SLAMF6: variants seen among roughly 807,000 people sequenced by gnomAD.
SLAMF6 encodes the protein SLAM family member 6.
Under a neutral mutation model 38.3 loss-of-function variants are expected in SLAMF6, and 21 were observed. The observed-to-expected ratio is 0.55, with a 90% CI of 0.39 to 0.79. SLAMF6 has a LOEUF of 0.79. Among genes scored for constraint, SLAMF6 ranks in the 30% least tolerant of loss-of-function variants. The pLI, the probability that SLAMF6 is intolerant of heterozygous loss-of-function variation, is 0.00. For missense variants in SLAMF6, 341 were observed against 385.3 expected, an observed-to-expected ratio of 0.89 and a Z score of 0.96; for synonymous variants, 152 against 146.3, an observed-to-expected ratio of 1.04 and a Z score of -0.28.
chr1:160,486,670 G>C lies in SLAMF6; in HGVS notation c.*37C>G. 6.3e-7 allele frequency: 1 copy of C among 1,582,912 alleles called. No homozygotes were observed. The highest frequency in any genetic ancestry group is 1.3e-5 in the African/African-American group (1 of 74,338). On this transcript the variant is annotated 3_prime_UTR_variant, in exon 8 of 8. Coordinates refer to ENST00000368057, the MANE Select transcript of SLAMF6 (RefSeq NM_001184714.2). ...GTTCTGTCTCATGGGATCAGAAGAC[G>C]TGTCATTCCCGAATTCCTCTGAGGC... is the stretch of plus-strand genomic sequence containing the variant.
chr1:160,501,111 C>A (rs1460107517), intron 1 of SLAMF6, among the ~76,000 whole-genome samples: 1 of 152,166 alleles, frequency 6.6e-6, no homozygotes. Context: ...TTTATTCATT[C>A]TGGTGTTCAA....
At chr1:160,498,727 CT>C (rs1168772098) in intron 1 of SLAMF6, among the ~76,000 whole-genome samples, 1 of 151,504 alleles carries the variant, frequency 6.6e-6, no homozygotes, top group African/African-American at 2.4e-5. Context: ...CTATTGTGTT[CT>C]TTTTTTTGAC....
At chr1:160,491,470 TG>T in intron 2 of SLAMF6, 82 bp from the exon 3 acceptor site, 1 of 1,533,918 alleles carries the variant, frequency 6.5e-7, no homozygotes, top group South Asian at 1.3e-5. Context: ...TTCACCTCAA[TG>T]TTTTGTATTT....
At chr1:160,489,309 C>G (rs1327809403) in intron 5 of SLAMF6, 139 bp from the exon 6 acceptor site, 2 of 753,944 alleles carry the variant, frequency 2.7e-6, no homozygotes, top group Non-Finnish European at 4.5e-6. Context: ...ATCATTCGTT[C>G]TTGACAGTCT....
chr1:160,489,237 C>T (rs879810327), intron 5 of SLAMF6, 67 bp from the exon 6 acceptor site: 4 of 1,479,130 alleles, frequency 2.7e-6, no homozygotes, highest in Non-Finnish European at 3.8e-6. Flanking sequence ...GGACTTCTCC[C>T]TCCCCAGAGC....
chr1:160,523,084 G>A, intron 1 of SLAMF6, 60 bp downstream of exon 1: 1 of 1,579,372 alleles, frequency 6.3e-7, no homozygotes, highest in Non-Finnish European at 8.7e-7. Flanking sequence ...TTTAGGTTGA[G>A]CAAGCTGCAC....
At chr1:160,489,298 G>A in intron 5 of SLAMF6, 128 bp from the exon 6 acceptor site, 4 of 828,876 alleles carry the variant, frequency 4.8e-6, no homozygotes, top group Non-Finnish European at 8.0e-6. Flanking sequence ...TTTCCTGAGG[G>A]ATCATTCGTT....
intron 1 of SLAMF6, among the ~76,000 whole-genome samples, chr1:160,502,373 C>T (rs886106744): frequency 1.3e-5 from 2 of 152,166 alleles, no homozygotes; most frequent in Non-Finnish European, 2.9e-5. Context: ...GAAGGTGATG[C>T]TGAGGTCTTG....
At chr1:160,499,489 G>A (rs1295946836) in intron 1 of SLAMF6, among the ~76,000 whole-genome samples, 1 of 152,146 alleles carries the variant, frequency 6.6e-6, no homozygotes, top group African/African-American at 2.4e-5. Context: ...AAGTCAGATA[G>A]TGTGATGTCT....
intron 1 of SLAMF6, among the ~76,000 whole-genome samples, chr1:160,514,671 T>C (rs1654651984): frequency 6.6e-6 from 1 of 152,074 alleles, no homozygotes; most frequent in South Asian, 2.1e-4. Flanking sequence ...GACCACAGCA[T>C]AATCAAATTA....
At chr1:160,498,148 G>GTT (rs149081202) in intron 1 of SLAMF6, among the ~76,000 whole-genome samples, 2 of 147,688 alleles carry the variant, frequency 1.4e-5, no homozygotes, top group Admixed American at 6.7e-5. Flanking sequence ...CCTAGCACCT[G>GTT]TTTTTTTTTT....
chr1:160,490,002 C>T (rs1653194233), intron 5 of SLAMF6, among the ~76,000 whole-genome samples, 196 bp downstream of exon 5: 1 of 152,130 alleles, frequency 6.6e-6, no homozygotes, highest in Admixed American at 6.6e-5. Flanking sequence ...GTGTGAGTGA[C>T]TGGTTCACAT....
Position 160,491,578 on chromosome 1 carries a change from G to A in SLAMF6, c.383-190C>T, listed in dbSNP as rs114587039. ...AAGGTCTGGGATGACCAAATGATGC[G>A]GGACATCAGTATGGGGCAGGATAGT... On this transcript the variant is annotated intron_variant, in intron 2 of 7. Transcript: ENST00000368057. Among the ~76,000 whole-genome samples, 413 of 152,236 alleles carry A rather than the reference G, an allele frequency of 2.7e-3. 2 individuals are homozygous for A. Among genetic ancestry groups the A allele is most frequent in the African/African-American group, 9.6e-3 (398 of 41,542 alleles).
intron 3 of SLAMF6, 131 bp downstream of exon 3, chr1:160,490,994 A>T: frequency 8.6e-7 from 1 of 1,157,576 alleles, no homozygotes; most frequent in Non-Finnish European, 1.2e-6. Flanking sequence ...AGAGCTCCAG[A>T]GGGCATCTGT....
intron 5 of SLAMF6, 109 bp downstream of exon 5, chr1:160,490,089 T>C: frequency 7.9e-7 from 1 of 1,258,762 alleles, no homozygotes; most frequent in African/African-American, 1.5e-5. Flanking sequence ...AGTAATGACA[T>C]TCTGACTCCT....
At chr1:160,491,564 T>C in intron 2 of SLAMF6, 176 bp from the exon 3 acceptor site, 1 of 400,702 alleles carries the variant, frequency 2.5e-6, no homozygotes, top group Non-Finnish European at 3.4e-6. Flanking sequence ...AGGTCTGGGA[T>C]GACCAAATGA....
chr1:160,488,102 A>C (rs183827893), intron 6 of SLAMF6, among the ~76,000 whole-genome samples: 198 of 151,882 alleles, frequency 1.3e-3, no homozygotes, highest in African/African-American at 4.5e-3. Flanking sequence ...AAAAAAAAAA[A>C]AAACCAAAAA....
intron 1 of SLAMF6, among the ~76,000 whole-genome samples, chr1:160,498,823 G>A (rs1184575200): frequency 3.3e-5 from 5 of 152,142 alleles, no homozygotes; most frequent in Non-Finnish European, 7.3e-5. Flanking sequence ...TACTGATGCT[G>A]AGCATTTTTT....
chr1:160,495,268 CT>C (rs1164103995), intron 2 of SLAMF6, among the ~76,000 whole-genome samples: 1 of 152,124 alleles, frequency 6.6e-6, no homozygotes, highest in Non-Finnish European at 1.5e-5. Context: ...CAATTTAATG[CT>C]TGAATCTCCT....
Sources: gnomAD v4.1 joint callset for allele counts (sites outside exome capture counted in the v4.1 genomes callset) on GRCh38, gnomAD v4.1.1 for gene constraint, MANE v1.5 for transcripts, NCBI Gene and HGNC (gene_info 2026-07-23, HGNC 2026-07-21) for gene names.